The following CNTN4 variants were observed in gnomAD, a reference collection of about 807,000 sequenced individuals.
The protein encoded by CNTN4 is contactin 4, also known as contactin-4.
In CNTN4, 77 loss-of-function variants were observed where a neutral mutation model predicts 122.5. The observed-to-expected ratio is 0.63, with a 90% CI of 0.52 to 0.76. The LOEUF is 0.76. Ranked by LOEUF, CNTN4 falls within the 30% of genes least tolerant of loss-of-function variation. The probability of loss-of-function intolerance (pLI) is 0.00; values close to 1 mark genes in which losing one functional copy is unlikely to be tolerated. For synonymous variants in CNTN4, 512 were observed against 447.0 expected, an observed-to-expected ratio of 1.15 and a Z score of -1.83; for missense variants, 1,256 against 1,259.1, an observed-to-expected ratio of 1.00 and a Z score of 0.04.
chr3:3,004,856 A>C (rs1574790383), intron 14 of CNTN4, among the ~76,000 whole-genome samples: 1 of 152,316 alleles, frequency 6.6e-6, no homozygotes, highest in East Asian at 1.9e-4. Context: ...CCACTGGGGC[A>C]GTGGTCCTGT....
At chr3:2,921,922 A>G (rs2094433240) in intron 12 of CNTN4, among the ~76,000 whole-genome samples, 1 of 152,226 alleles carries the variant, frequency 6.6e-6, no homozygotes, top group African/African-American at 2.4e-5. Flanking sequence ...TGAATTACAT[A>G]GAGGGCTTCT....
At chr3:2,639,851 C>G (rs912995379) in intron 4 of CNTN4, among the ~76,000 whole-genome samples, 1 of 152,168 alleles carries the variant, frequency 6.6e-6, no homozygotes, top group South Asian at 2.1e-4. Context: ...GAATGCTTGA[C>G]TGAATTGACT....
intron 6 of CNTN4, among the ~76,000 whole-genome samples, chr3:2,783,875 A>C (rs921678113): frequency 9.8e-5 from 15 of 152,340 alleles, no homozygotes; most frequent in African/African-American, 3.4e-4. Flanking sequence ...TTCTTTAGTT[A>C]GTTGAACCCT....
chr3:2,188,514 G>A (rs981547367), intron 2 of CNTN4, among the ~76,000 whole-genome samples: 1 of 152,170 alleles, frequency 6.6e-6, no homozygotes, highest in African/African-American at 2.4e-5. Flanking sequence ...GGTAAATAAA[G>A]TCCAGAAACC....
At chr3:2,416,899 C>T (rs894236286) in intron 3 of CNTN4, among the ~76,000 whole-genome samples, 1 of 152,130 alleles carries the variant, frequency 6.6e-6, no homozygotes, top group African/African-American at 2.4e-5. Context: ...TGTGATCCAC[C>T]TGCCTCAGCC....
intron 4 of CNTN4, among the ~76,000 whole-genome samples, chr3:2,734,648 C>CTTTT (rs71058638): frequency 7.2e-6 from 1 of 139,520 alleles, no homozygotes; most frequent in Non-Finnish European, 1.5e-5. Flanking sequence ...GCATGAAGTG[C>CTTTT]TTTTTTTTTT....
At chr3:2,459,312 T>C (rs1559571186) in intron 3 of CNTN4, among the ~76,000 whole-genome samples, 1 of 152,120 alleles carries the variant, frequency 6.6e-6, no homozygotes, top group East Asian at 1.9e-4. Context: ...TAAAATAAAA[T>C]GTGCATTTAG....
intron 2 of CNTN4, among the ~76,000 whole-genome samples, chr3:2,268,734 T>G (rs2041154123): frequency 6.6e-6 from 1 of 152,122 alleles, no homozygotes. Context: ...TCAAAATTTT[T>G]TATAACATGG....
At chr3:2,595,185 A>T (rs1410427738) in intron 4 of CNTN4, among the ~76,000 whole-genome samples, 1 of 152,234 alleles carries the variant, frequency 6.6e-6, no homozygotes, top group Non-Finnish European at 1.5e-5. Context: ...GGCTAATATT[A>T]CACAATTGAC....
intron 2 of CNTN4, among the ~76,000 whole-genome samples, chr3:2,171,529 G>A (rs1185406290): frequency 6.6e-6 from 1 of 152,162 alleles, no homozygotes; most frequent in Non-Finnish European, 1.5e-5. Context: ...AACAGTCATT[G>A]CTTTAATAAT....
intron 14 of CNTN4, among the ~76,000 whole-genome samples, chr3:2,991,079 A>C (rs1047828745): frequency 6.6e-6 from 1 of 152,214 alleles, no homozygotes; most frequent in Non-Finnish European, 1.5e-5. Context: ...AATGTCTAAA[A>C]CTAGGAAACA....
chr3:2,352,309 T>G (rs13097752), intron 3 of CNTN4, among the ~76,000 whole-genome samples: 9,976 of 152,224 alleles, frequency 0.066, 405 homozygotes, highest in Middle Eastern at 0.078. Context: ...GAGGAACACT[T>G]CAGCCTGCCG....
chr3:2,139,651 T>A (rs769851611), intron 2 of CNTN4, among the ~76,000 whole-genome samples: 1 of 152,230 alleles, frequency 6.6e-6, no homozygotes, highest in Non-Finnish European at 1.5e-5. Context: ...AATGTGAGCC[T>A]GATGGCAACT....
At chr3:2,765,252 C>A (rs1046592603) in intron 6 of CNTN4, among the ~76,000 whole-genome samples, 1 of 152,050 alleles carries the variant, frequency 6.6e-6, no homozygotes, top group East Asian at 1.9e-4. Flanking sequence ...TATCACCACT[C>A]GTACTTGTCG....
At chr3:2,636,853 A>T (rs977797114) in intron 4 of CNTN4, among the ~76,000 whole-genome samples, 12 of 149,632 alleles carry the variant, frequency 8.0e-5, no homozygotes, top group African/African-American at 2.7e-4. Context: ...ATACATCTCT[A>T]TATCAGTTTT....
At chr3:2,649,813 A>T (rs968145660) in intron 4 of CNTN4, among the ~76,000 whole-genome samples, 2 of 151,834 alleles carry the variant, frequency 1.3e-5, no homozygotes, top group Non-Finnish European at 2.9e-5. Flanking sequence ...TCTAGAAAGG[A>T]TTCACCATCC....
chr3:2,540,002 A>G (rs1411905368), intron 3 of CNTN4, among the ~76,000 whole-genome samples: 1 of 151,992 alleles, frequency 6.6e-6, no homozygotes, highest in Admixed American at 6.6e-5. Flanking sequence ...TTAATAATAC[A>G]GGTATCTATT....
At chr3:2,099,249 C>T (rs2031682615) in intron 1 of CNTN4, 1 of 152,404 alleles carries the variant, frequency 6.6e-6, no homozygotes, top group Non-Finnish European at 1.5e-5. Flanking sequence ...CGTCACCCCA[C>T]AGCGACCCTT....
chr3:2,549,354 A>G (rs1241189295), intron 3 of CNTN4, among the ~76,000 whole-genome samples: 3 of 152,064 alleles, frequency 2.0e-5, no homozygotes, highest in Admixed American at 6.6e-5. Context: ...AATAGCTCTT[A>G]TTATTTTGAG....
Sources: allele counts gnomAD v4.1 joint callset (sites outside exome capture counted in the v4.1 genomes callset), GRCh38; gene constraint gnomAD v4.1.1; transcripts MANE v1.5; gene names NCBI Gene and HGNC (gene_info 2026-07-23, HGNC 2026-07-21).